The following TCF3 variants were observed in gnomAD, a reference collection of about 807,000 sequenced individuals.
TCF3 encodes transcription factor E2-alpha.
Under a neutral mutation model 72.3 loss-of-function variants are expected in TCF3, and 54 were observed. The observed-to-expected ratio is 0.75, with a 90% CI of 0.60 to 0.94. The LOEUF (loss-of-function observed/expected upper bound fraction) is 0.94. TCF3 is among the 40% of genes least tolerant of loss of function. TCF3 has a pLI of 0.00. For synonymous variants in TCF3, 525 were observed against 412.6 expected, an observed-to-expected ratio of 1.27 and a Z score of -3.30; for missense variants, 1,078 against 934.4, an observed-to-expected ratio of 1.15 and a Z score of -2.00.
rs909623196 is a variant in TCF3, at chr19:1,610,549, G to A, written c.*1158C>T. The A allele has an allele frequency of 4.3e-5, 10 of 231,490 alleles. No homozygotes were observed. The highest frequency in any genetic ancestry group is 8.9e-5 in the African/African-American group (4 of 45,180). The allele number at this position is 231,490 out of a possible 1,614,324, so 14.3% of individuals were successfully genotyped here. On this transcript the variant is annotated 3_prime_UTR_variant, in exon 19 of 19. Coordinates refer to ENST00000262965, the MANE Select transcript of TCF3 (RefSeq NM_003200.5). ...GGGTGTCCAGGAGGTCCCCAGCACC[G>A]GGCTCCAGGGTGTGGTCCCCATGCC...
At chr19:1,638,311 A>T (rs968409537) in intron 3 of TCF3, among the ~76,000 whole-genome samples, 1 of 152,246 alleles carries the variant, frequency 6.6e-6, no homozygotes, top group African/African-American at 2.4e-5. Flanking sequence ...TAATGATACA[A>T]ATGTTTCCTA....
At chr19:1,630,326 C>G (rs2063550284) in intron 5 of TCF3, among the ~76,000 whole-genome samples, 1 of 152,182 alleles carries the variant, frequency 6.6e-6, no homozygotes, top group Admixed American at 6.5e-5. Context: ...GTGGTGGGCC[C>G]TCAGACACAC....
At chr19:1,634,210 A>T (rs2064090445) in intron 3 of TCF3, among the ~76,000 whole-genome samples, 1 of 152,254 alleles carries the variant, frequency 6.6e-6, no homozygotes, top group South Asian at 2.1e-4. Flanking sequence ...TACAGTTATT[A>T]AAATCCCCCC....
chr19:1,623,862 G>A (rs1249216495), intron 8 of TCF3, 89 bp downstream of exon 8: 13 of 1,377,750 alleles, frequency 9.4e-6, no homozygotes, highest in Admixed American at 3.8e-5. Context: ...GGCCCACCCC[G>A]CCATGTGTGT....
chr19:1,622,249 G>A, intron 9 of TCF3, 26 bp from the exon 10 acceptor site: 2 of 1,515,664 alleles, frequency 1.3e-6, no homozygotes, highest in Non-Finnish European at 1.8e-6. Flanking sequence ...GGTAAGGTGG[G>A]GGCCGAGTGG....
chr19:1,621,132 C>G lies in TCF3; in HGVS notation c.1014+1G>C. ...GCCACCCCCCATGCCCCACGCCTCA[C>G]CGAGGCCAGTGCTTTGCCGAGGGCA... is the stretch of plus-strand genomic sequence containing the variant. On this transcript the variant is annotated splice_donor_variant, in intron 12 of 18. Coordinates refer to ENST00000262965, the MANE Select transcript of TCF3 (RefSeq NM_003200.5). LOFTEE classifies it high-confidence loss of function. 6.5e-7 allele frequency: 1 copy of G among 1,540,936 alleles called. No homozygotes were observed. The highest frequency in any genetic ancestry group is 8.7e-7 in the Non-Finnish European group (1 of 1,143,300).
intron 8 of TCF3, among the ~76,000 whole-genome samples, chr19:1,622,956 CG>C (rs2062429347): frequency 6.6e-6 from 1 of 152,070 alleles, no homozygotes. Context: ...TGTGCTGGAG[CG>C]GGAAGTATGC....
rs147640302 is a variant in TCF3, at chr19:1,646,826, G to A, written c.73-399C>T. Among the ~76,000 whole-genome samples, 415 of 152,366 alleles carry A rather than the reference G, an allele frequency of 2.7e-3. 1 individual carries two copies. Among genetic ancestry groups the A allele is most frequent in the Non-Finnish European group, 4.3e-3 (294 of 68,040 alleles). On this transcript the variant is annotated intron_variant, in intron 2 of 18. Coordinates refer to ENST00000262965, the MANE Select transcript of TCF3 (RefSeq NM_003200.5). ...TGTCTTTACGTTTCAGCTCTGAAAA[G>A]TGAGAGGTTTACACTCAACAGGTGG...
At chr19:1,612,290 A>C in intron 18 of TCF3, 1 of 1,613,762 alleles carries the variant, frequency 6.2e-7, no homozygotes, top group Non-Finnish European at 8.5e-7. Flanking sequence ...GTCCGACTTG[A>C]GGTGCATCTG....
Position 1,611,651 on chromosome 19 carries a change from C to A in TCF3, c.*56G>T. Reference sequence around the variant, plus strand: ...AAGCCCGGGGTCTCGAGTGGCCGTTCTGGGGCCAGAGCACAGGGCTGAAAG... The same window carrying A: ...AAGCCCGGGGTCTCGAGTGGCCGTTATGGGGCCAGAGCACAGGGCTGAAAG... On this transcript the variant is annotated 3_prime_UTR_variant, in exon 19 of 19. Coordinates refer to ENST00000262965, the MANE Select transcript of TCF3 (RefSeq NM_003200.5). 6.4e-7 allele frequency: 1 copy of A among 1,571,242 alleles called. No homozygotes were observed. The highest frequency in any genetic ancestry group is 8.6e-7 in the Non-Finnish European group (1 of 1,156,436).
At chr19:1,626,667 C>T (rs1431184136) in intron 6 of TCF3, among the ~76,000 whole-genome samples, 1 of 152,154 alleles carries the variant, frequency 6.6e-6, no homozygotes, top group Non-Finnish European at 1.5e-5. Flanking sequence ...TTGCGTATTC[C>T]TGTCTGTAAA....
At chr19:1,637,587 G>T (rs1364304830) in intron 3 of TCF3, among the ~76,000 whole-genome samples, 1 of 152,108 alleles carries the variant, frequency 6.6e-6, no homozygotes, top group African/African-American at 2.4e-5. Context: ...TGTGGGGACC[G>T]GAGAACCTGC....
Position 1,610,993 on chromosome 19 carries a change from G to A in TCF3, c.*714C>T, listed in dbSNP as rs1599387672. 1 of 223,062 alleles carries A rather than the reference G, an allele frequency of 4.5e-6. No individual in the cohort carries two copies. The highest frequency in any genetic ancestry group is 2.3e-5 in the African/African-American group (1 of 43,614). The allele number at this position is 223,062 out of a possible 1,614,324, so 13.8% of individuals were successfully genotyped here. ...TTTTAATACAACGTTTAATCATCTG[G>A]TTGATCAAGAAATGCAATGCTCAGT... On this transcript the variant is annotated 3_prime_UTR_variant, in exon 19 of 19. Coordinates refer to ENST00000262965, the MANE Select transcript of TCF3 (RefSeq NM_003200.5).
chr19:1,647,778 C>T (rs967054414), intron 2 of TCF3, among the ~76,000 whole-genome samples: 3 of 152,202 alleles, frequency 2.0e-5, no homozygotes, highest in Non-Finnish European at 4.4e-5. Flanking sequence ...ACATGGGTAC[C>T]GGGCTGTGTC....
intron 14 of TCF3, 102 bp downstream of exon 14, chr19:1,619,678 C>T (rs762042696): frequency 1.6e-5 from 20 of 1,245,858 alleles, no homozygotes; most frequent in East Asian, 5.9e-5. Context: ...CAGCTTGGGG[C>T]TTATTTACAA....
chr19:1,622,792 G>A (rs550041836), intron 8 of TCF3, among the ~76,000 whole-genome samples: 9 of 152,220 alleles, frequency 5.9e-5, no homozygotes, highest in African/African-American at 2.2e-4. Context: ...TCCCCAGCTG[G>A]AATCAATCTT....
rs780383072 is a variant in TCF3 at position 1,623,940 on chromosome 19, G to C, written c.549+11C>G. On this transcript the variant is annotated intron_variant, in intron 8 of 18. Coordinates refer to ENST00000262965, the MANE Select transcript of TCF3 (RefSeq NM_003200.5). ...CGAGCTGTGGGGTCCCTTCTCCCTC[G>C]TGCGACTCACCGAGGATGGAAGACC... 1 of 1,613,082 alleles carries C rather than the reference G, an allele frequency of 6.2e-7. No individual in the cohort carries two copies. Among genetic ancestry groups the C allele is most frequent in the Non-Finnish European group, 8.5e-7 (1 of 1,179,778 alleles).
intron 3 of TCF3, among the ~76,000 whole-genome samples, chr19:1,635,047 G>A (rs1458860798): frequency 6.6e-6 from 1 of 152,184 alleles, no homozygotes; most frequent in African/African-American, 2.4e-5. Context: ...TCAGTACCAG[G>A]AGTGGGGTTA....
intron 7 of TCF3, among the ~76,000 whole-genome samples, chr19:1,625,100 G>T (rs369528716): frequency 6.6e-6 from 1 of 152,238 alleles, no homozygotes; most frequent in Non-Finnish European, 1.5e-5. Context: ...TCCTGTCTCG[G>T]CCTCCAGAGA....
Sources: allele counts gnomAD v4.1 joint callset (sites outside exome capture counted in the v4.1 genomes callset), GRCh38; gene constraint gnomAD v4.1.1; transcripts MANE v1.5; gene names NCBI Gene and HGNC (gene_info 2026-07-23, HGNC 2026-07-21).